Variants in POTEJ observed in about 807,000 individuals in gnomAD.
The protein encoded by POTEJ is POTE ankyrin domain family, member J.
A neutral mutation model predicts 69.0 loss-of-function variants in POTEJ; 11 were observed. That is an observed-to-expected ratio of 0.16 (90% CI 0.10 to 0.26). The LOEUF (loss-of-function observed/expected upper bound fraction) is 0.26, where lower values mean the gene tolerates loss of function less well. Among genes scored for constraint, POTEJ ranks in the 10% least tolerant of loss-of-function variants. POTEJ has a pLI of 1.00. For synonymous variants in POTEJ, 117 were observed against 381.1 expected (o/e 0.31, Z 8.07); for missense variants, 327 against 1,045.5 (o/e 0.31, Z 9.48).
intron 14 of POTEJ, among the ~76,000 whole-genome samples, chr2:130,656,318 TAGGA>T (rs1283599726): frequency 6.8e-6 from 1 of 147,376 alleles, no homozygotes; most frequent in African/African-American, 2.6e-5. Flanking sequence ...TTTAGGAATT[TAGGA>T]GCAGATTCCT....
intron 10 of POTEJ, among the ~76,000 whole-genome samples, chr2:130,639,341 G>A (rs1235773383): frequency 7.9e-5 from 12 of 152,428 alleles, no homozygotes; most frequent in Admixed American, 2.6e-4. Flanking sequence ...ACATATGCTT[G>A]TGCCAACAAG....
intron 9 of POTEJ, among the ~76,000 whole-genome samples, chr2:130,637,229 T>A (rs1342572065): frequency 6.6e-6 from 1 of 151,566 alleles, no homozygotes; most frequent in Non-Finnish European, 1.5e-5. Context: ...AATATTGTGG[T>A]TATTCACTAT....
chr2:130,631,736 G>T (rs1440943552), intron 8 of POTEJ, among the ~76,000 whole-genome samples: 1 of 141,390 alleles, frequency 7.1e-6, no homozygotes, highest in East Asian at 1.9e-4. Context: ...TATCTTTCTT[G>T]GTTTTAGTCT....
Position 130,623,758 on chromosome 2 carries a change from T to C in POTEJ, c.945-306T>C, listed in dbSNP as rs1325110974. 1.4e-5 allele frequency among the ~76,000 whole-genome samples: 2 copies of C among 138,770 alleles called. 1 individual carries two copies. The highest frequency in any genetic ancestry group is 3.1e-5 in the Non-Finnish European group (2 of 65,330). The allele number at this position is 138,770 out of a possible 152,430, so 91.0% of individuals were successfully genotyped here. On this transcript the variant is annotated intron_variant, in intron 5 of 14. Transcript: ENST00000409602. ...GAGAAACAAGTTGTCCAAGAACAAATAGCTGTTCATTATGGAGCTAGGACT... is the reference window on the plus strand; with the variant it reads ...GAGAAACAAGTTGTCCAAGAACAAACAGCTGTTCATTATGGAGCTAGGACT...
At position 130,611,682 on chromosome 2, in the gene POTEJ, C is replaced by T. The variant is rs781759515; in HGVS notation, c.150C>T (p.Asp50=). 37 of 1,327,388 alleles carry T rather than the reference C, an allele frequency of 2.8e-5. 1 individual carries two copies. In the Admixed American group the frequency reaches 6.6e-4, roughly 24 times the overall value. 82.2% of individuals were successfully genotyped at this position (1,327,388 alleles called of 1,614,324 possible). The change falls in exon 1 of 15, where the codon GAC becomes GAT. Residue 50 remains aspartate (D), a synonymous_variant. Coordinates refer to ENST00000409602, the MANE Select transcript of POTEJ (RefSeq NM_001277083.2). ...ACGTGGGCACTTCTGGAGACCAGGACGACTCCACTATGAAGACACTCAGGA... is the reference window on the plus strand; with the variant it reads ...ACGTGGGCACTTCTGGAGACCAGGATGACTCCACTATGAAGACACTCAGGA... ...KSNVGTSGDQ[D]DSTMKTLRSK...
At chr2:130,621,272 G>GT (rs554205083) in intron 4 of POTEJ, among the ~76,000 whole-genome samples, 194 bp from the exon 5 acceptor site, 10,445 of 150,938 alleles carry the variant, frequency 0.069, 488 homozygotes, top group Middle Eastern at 0.12. Flanking sequence ...AGATAAGAGG[G>GT]TTTTTTTTGG....
At chr2:130,621,998 GA>G (rs1197180907) in intron 5 of POTEJ, among the ~76,000 whole-genome samples, 1 of 83,484 alleles carries the variant, frequency 1.2e-5, no homozygotes, top group African/African-American at 4.7e-5. Context: ...CATACTCCTT[GA>G]ATTTTTCAAG....
rs1329798182 is a variant in POTEJ at position 130,639,936 on chromosome 2, T to C, written c.1369+1247T>C. On this transcript the variant is annotated intron_variant, in intron 10 of 14. Coordinates refer to ENST00000409602, the MANE Select transcript of POTEJ (RefSeq NM_001277083.2). ...AGACAGGAGCTTGTTATTATTATCA[T>C]TGTCATTTTTATTATTTTGCTGCTT... Among the ~76,000 whole-genome samples, 4 of 152,364 alleles carry C rather than the reference T, an allele frequency of 2.6e-5. No homozygotes were observed. The South Asian group carries it at 6.2e-4, about 24-fold the overall frequency.
In POTEJ at chr2:130,657,696, A is replaced by G. The variant is rs1261750049; in HGVS notation, c.2936A>G (p.Glu979Gly). The change falls in exon 15 of 15, where the codon GAG becomes GGG. Residue 979 changes from glutamate to glycine, a missense_variant. Physicochemically the swap from Glu to Gly is moderately conservative, Grantham distance 98. Transcript: ENST00000409602. ...GGCATGGCCCACAGAATGCAGAAGGAGATCGCTGCCCTGGCGCCTAGCATG... is the reference window on the plus strand; with the variant it reads ...GGCATGGCCCACAGAATGCAGAAGGGGATCGCTGCCCTGGCGCCTAGCATG... Reference protein sequence around the residue: ...YPGMAHRMQKEIAALAPSMMK... With the variant: ...YPGMAHRMQKGIAALAPSMMK... 1 of 1,429,900 alleles carries G rather than the reference A, an allele frequency of 7.0e-7. No homozygotes were observed. Among genetic ancestry groups the G allele is most frequent in the Admixed American group, 1.9e-5 (1 of 53,816 alleles). 88.6% of individuals were successfully genotyped at this position (1,429,900 alleles called of 1,614,324 possible). A position where few individuals can be genotyped will look rare whatever the true frequency, so the allele number is the denominator to read the frequency against.
intron 13 of POTEJ, among the ~76,000 whole-genome samples, chr2:130,647,120 T>C (rs1156884603): frequency 6.6e-6 from 1 of 150,682 alleles, no homozygotes; most frequent in Non-Finnish European, 1.5e-5. Flanking sequence ...ATCCCCAAAA[T>C]AATGTATTAT....
chr2:130,643,582 A>G (rs1253425279), intron 10 of POTEJ, among the ~76,000 whole-genome samples: 1 of 145,200 alleles, frequency 6.9e-6, no homozygotes, highest in Non-Finnish European at 1.5e-5. Context: ...CATTTTAGAT[A>G]TTAGGAAGAT....
chr2:130,617,926 T>G (rs201835533), intron 3 of POTEJ, among the ~76,000 whole-genome samples: 1 of 152,130 alleles, frequency 6.6e-6, no homozygotes, highest in African/African-American at 2.4e-5. Flanking sequence ...TAGTGGGTTG[T>G]AAACTGAATA....
At chr2:130,630,612 G>C (rs1273902331) in intron 7 of POTEJ, among the ~76,000 whole-genome samples, 2 of 141,332 alleles carry the variant, frequency 1.4e-5, no homozygotes, top group Non-Finnish European at 3.1e-5. Context: ...CAGCGTTTCT[G>C]TTCAGGGAGG....
At chr2:130,613,471 G>A (rs1171822396) in intron 1 of POTEJ, among the ~76,000 whole-genome samples, 63 of 136,510 alleles carry the variant, frequency 4.6e-4, no homozygotes, top group African/African-American at 1.2e-3. Flanking sequence ...GTGTGATCTC[G>A]GCTCACTGCA....
intron 7 of POTEJ, among the ~76,000 whole-genome samples, chr2:130,631,086 A>C (rs1434035495): frequency 7.0e-6 from 1 of 143,480 alleles, no homozygotes; most frequent in East Asian, 1.9e-4. Context: ...TTTAACACAT[A>C]ACAAGTTTAG....
rs1205398300 is a variant in POTEJ at position 130,657,358 on chromosome 2, G to A, written c.2598G>A (p.Met866Ile). The A allele has an allele frequency of 2.5e-6, 4 of 1,584,418 alleles. No homozygotes were observed. In the Admixed American group the frequency reaches 5.1e-5, roughly 20 times the overall value. The change falls in exon 15 of 15, where the codon ATG becomes ATA. Residue 866 changes from methionine to isoleucine, a missense_variant. Met to Ile is a conservative substitution (Grantham distance 10). Transcript: ENST00000409602. ...AGCGTGGCTATAGGTTCACCACCAT[G>A]GCCGAGCGGGAAATCGTGCGTGACA... ...LTERGYRFTT[M>I]AEREIVRDIK...
At chr2:130,640,760 T>A (rs1269432122) in intron 10 of POTEJ, among the ~76,000 whole-genome samples, 1 of 152,180 alleles carries the variant, frequency 6.6e-6, no homozygotes, top group Non-Finnish European at 1.5e-5. Flanking sequence ...GGAAGGTAAA[T>A]ACCTGATTAG....
chr2:130,618,841 G>T (rs1269961708), intron 3 of POTEJ, among the ~76,000 whole-genome samples: 1 of 119,232 alleles, frequency 8.4e-6, no homozygotes, highest in African/African-American at 3.8e-5. Flanking sequence ...GAATGCAGTG[G>T]TGTGATCACA....
At chr2:130,628,798 G>C (rs1221380997) in intron 6 of POTEJ, among the ~76,000 whole-genome samples, 1 of 149,904 alleles carries the variant, frequency 6.7e-6, no homozygotes, top group African/African-American at 2.5e-5. Context: ...GGAGCAGGCA[G>C]ATCACAAGGT....
Sources: gnomAD v4.1 joint callset for allele counts (sites outside exome capture counted in the v4.1 genomes callset) on GRCh38, gnomAD v4.1.1 for gene constraint, MANE v1.5 for transcripts, NCBI Gene and HGNC (gene_info 2026-07-23, HGNC 2026-07-21) for gene names.